Variants in CRY1 observed in about 807,000 individuals in gnomAD.
CRY1 encodes the protein cryptochrome circadian regulator 1, also known as cryptochrome-1.
A neutral mutation model predicts 76.0 loss-of-function variants in CRY1; 45 were observed. That is an observed-to-expected ratio of 0.59 (90% CI 0.47 to 0.76). The LOEUF is 0.76. Among genes scored for constraint, CRY1 ranks in the 30% least tolerant of loss-of-function variants. CRY1 has a pLI of 0.00. For synonymous variants in CRY1, 248 were observed against 244.0 expected, an observed-to-expected ratio of 1.02 and a Z score of -0.15; for missense variants, 587 against 716.4, an observed-to-expected ratio of 0.82 and a Z score of 2.06.
At chr12:107,039,450 T>C (rs1032626932) in intron 1 of CRY1, among the ~76,000 whole-genome samples, 3 of 152,156 alleles carry the variant, frequency 2.0e-5, no homozygotes, top group Non-Finnish European at 2.9e-5. Flanking sequence ...ATTTCCAAAA[T>C]ATGTAAGGAA....
chr12:107,020,107 T>A (rs1952537604), intron 2 of CRY1, among the ~76,000 whole-genome samples: 1 of 151,460 alleles, frequency 6.6e-6, no homozygotes, highest in Non-Finnish European at 1.5e-5. Flanking sequence ...GGTTAAATTC[T>A]AACTTGATCT....
intron 1 of CRY1, among the ~76,000 whole-genome samples, chr12:107,026,165 A>ATGT (rs373686627): frequency 4.7e-5 from 1 of 21,080 alleles, no homozygotes; most frequent in African/African-American, 3.0e-4. Flanking sequence ...TAAAATATAT[A>ATGT]TATATATATT....
At chr12:107,087,224 G>A (rs1161442207) in intron 1 of CRY1, among the ~76,000 whole-genome samples, 1 of 151,932 alleles carries the variant, frequency 6.6e-6, no homozygotes, top group African/African-American at 2.4e-5. Flanking sequence ...GGTTTTGAGA[G>A]CTCACCTCTT....
chr12:107,082,872 C>A (rs777030553), intron 1 of CRY1, among the ~76,000 whole-genome samples: 1 of 151,842 alleles, frequency 6.6e-6, no homozygotes, highest in Non-Finnish European at 1.5e-5. Context: ...GACAGAGACA[C>A]GAAAAACCCT....
At chr12:107,078,409 T>G (rs1181327210) in intron 1 of CRY1, among the ~76,000 whole-genome samples, 1 of 152,156 alleles carries the variant, frequency 6.6e-6, no homozygotes, top group African/African-American at 2.4e-5. Flanking sequence ...AAATCACTCT[T>G]GCCACATTCA....
Position 107,001,277 on chromosome 12 carries a change from T to A in CRY1, c.684+3A>T, listed in dbSNP as rs947984839. ...CATAGCTATATAATCTACATTATCATACTTTTCTTTCCAAATGCCTTTCCA... is the reference window on the plus strand; with the variant it reads ...CATAGCTATATAATCTACATTATCAAACTTTTCTTTCCAAATGCCTTTCCA... On this transcript the variant is annotated splice_donor_region_variant and intron_variant, in intron 5 of 12. Transcript: ENST00000008527. 1.2e-6 allele frequency: 2 copies of A among 1,608,836 alleles called. No individual in the cohort carries two copies. Among genetic ancestry groups the A allele is most frequent in the Non-Finnish European group, 1.7e-6 (2 of 1,175,858 alleles).
intron 2 of CRY1, among the ~76,000 whole-genome samples, chr12:107,016,262 A>G (rs559513282): frequency 6.6e-6 from 1 of 152,318 alleles, no homozygotes; most frequent in East Asian, 1.9e-4. Context: ...GTGAGCTGAG[A>G]TCGTGCCACT....
At chr12:107,026,440 G>T (rs988931418) in intron 1 of CRY1, among the ~76,000 whole-genome samples, 1 of 151,800 alleles carries the variant, frequency 6.6e-6, no homozygotes, top group African/African-American at 2.4e-5. Context: ...CACCATGTTG[G>T]CCAGGCTGGT....
At chr12:107,068,449 C>A (rs1156242216) in intron 1 of CRY1, among the ~76,000 whole-genome samples, 1 of 152,120 alleles carries the variant, frequency 6.6e-6, no homozygotes, top group Non-Finnish European at 1.5e-5. Context: ...GTATGTGCCA[C>A]CATGCCCCGC....
intron 1 of CRY1, among the ~76,000 whole-genome samples, chr12:107,024,786 C>T (rs2136848394): frequency 6.6e-6 from 1 of 152,260 alleles, no homozygotes; most frequent in East Asian, 1.9e-4. Context: ...TGTTTTGGTA[C>T]TTCATGAAAC....
chr12:107,023,595 T>C (rs1952579896), intron 1 of CRY1, among the ~76,000 whole-genome samples: 1 of 152,228 alleles, frequency 6.6e-6, no homozygotes, highest in South Asian at 2.1e-4. Context: ...AGTGCACTAG[T>C]CAGGTCTGAC....
rs371268411 is a variant in CRY1 at position 106,993,003 on chromosome 12, G to A, written c.1619C>T (p.Ala540Val). 1.4e-5 allele frequency: 22 copies of A among 1,614,032 alleles called. No individual in the cohort carries two copies. In the African/African-American group the frequency reaches 2.9e-4, roughly 22 times the overall value. Residue 540 changes from alanine (A) to valine (V), a missense_variant, in exon 11 of 13, where the codon GCT becomes GTT. Ala to Val is a moderately conservative substitution (Grantham distance 64). Coordinates refer to ENST00000008527, the MANE Select transcript of CRY1 (RefSeq NM_004075.5). ...GTGAGTTTGCTGACTGTCGCCATGAGCATAGTGTAAAATACCACTCCCTTG... is the reference window on the plus strand; with the variant it reads ...GTGAGTTTGCTGACTGTCGCCATGAACATAGTGTAAAATACCACTCCCTTG... ...CSQGSGILHY[A>V]HGDSQQTHLL...
intron 1 of CRY1, among the ~76,000 whole-genome samples, chr12:107,056,483 T>A (rs1743269387): frequency 6.6e-6 from 1 of 152,152 alleles, no homozygotes; most frequent in Admixed American, 6.5e-5. Flanking sequence ...TTGCCCAACC[T>A]GTGGCCTGCG....
chr12:107,006,214 C>T (rs375058174), intron 2 of CRY1, among the ~76,000 whole-genome samples: 1 of 151,808 alleles, frequency 6.6e-6, no homozygotes, highest in Admixed American at 6.6e-5. Context: ...GGTGAAACCC[C>T]GTCTCTACTA....
chr12:107,003,253 A>C (rs1291533891), intron 3 of CRY1, among the ~76,000 whole-genome samples: 1 of 152,192 alleles, frequency 6.6e-6, no homozygotes, highest in Non-Finnish European at 1.5e-5. Context: ...ATCAATTATT[A>C]ATTAAAAAAA....
intron 1 of CRY1, among the ~76,000 whole-genome samples, chr12:107,028,962 C>T (rs1219191130): frequency 1.3e-5 from 2 of 152,204 alleles, no homozygotes; most frequent in Non-Finnish European, 2.9e-5. Context: ...ACTGTTTATA[C>T]ATAAAGATTT....
At chr12:106,997,181 A>C (rs1004914775) in intron 10 of CRY1, 113 bp downstream of exon 10, 9 of 930,858 alleles carry the variant, frequency 9.7e-6, no homozygotes, top group Non-Finnish European at 1.4e-5. Flanking sequence ...GAATCTATTA[A>C]GCTAATTTCA....
At chr12:107,068,919 T>G (rs1264664771) in intron 1 of CRY1, among the ~76,000 whole-genome samples, 1 of 152,232 alleles carries the variant, frequency 6.6e-6, no homozygotes, top group Admixed American at 6.5e-5. Context: ...TTTCTTTTTA[T>G]GGTTCCATCA....
intron 1 of CRY1, among the ~76,000 whole-genome samples, chr12:107,045,051 A>C (rs1187826711): frequency 6.6e-6 from 1 of 152,180 alleles, no homozygotes; most frequent in African/African-American, 2.4e-5. Context: ...ATTCAATCCA[A>C]ATCATTCCTC....
Sources: gnomAD v4.1 joint callset for allele counts (sites outside exome capture counted in the v4.1 genomes callset) on GRCh38, gnomAD v4.1.1 for gene constraint, MANE v1.5 for transcripts, NCBI Gene and HGNC (gene_info 2026-07-23, HGNC 2026-07-21) for gene names.